The following INPP5D variants were observed in gnomAD, a reference collection of about 807,000 sequenced individuals.
INPP5D encodes phosphatidylinositol 3,4,5-trisphosphate 5-phosphatase 1.
A neutral mutation model predicts 122.9 loss-of-function variants in INPP5D; 33 were observed. That is an observed-to-expected ratio of 0.27 (90% CI 0.20 to 0.36). The LOEUF is 0.36. INPP5D is among the 10% of genes least tolerant of loss of function. The pLI is 1.00. For missense variants in INPP5D, 1,053 were observed against 1,412.7 expected (o/e 0.75, Z 4.08); for synonymous variants, 584 against 576.2 (o/e 1.01, Z -0.19).
At chr2:233,143,517 C>A (rs903221885) in intron 6 of INPP5D, among the ~76,000 whole-genome samples, 1 of 152,220 alleles carries the variant, frequency 6.6e-6, no homozygotes, top group East Asian at 1.9e-4. Context: ...TATCCCATCT[C>A]CTGACCAGCT....
At chr2:233,167,300 G>A (rs1219249486) in intron 13 of INPP5D, among the ~76,000 whole-genome samples, 2 of 151,890 alleles carry the variant, frequency 1.3e-5, no homozygotes, top group Non-Finnish European at 2.9e-5. Flanking sequence ...AAATCTGGGA[G>A]GTCAAGGCTA....
chr2:233,153,187 C>G (rs1009643746), intron 9 of INPP5D, among the ~76,000 whole-genome samples: 11 of 152,306 alleles, frequency 7.2e-5, no homozygotes, highest in Admixed American at 2.6e-4. Flanking sequence ...AACAAGATAT[C>G]ACATCCTGGG....
At chr2:233,118,056 G>A (rs1692854710) in intron 2 of INPP5D, among the ~76,000 whole-genome samples, 1 of 152,224 alleles carries the variant, frequency 6.6e-6, no homozygotes. Context: ...ACACAGCTGG[G>A]TGGATATGGA....
chr2:233,170,403 G>C lies in INPP5D; in HGVS notation c.1792-93G>C. 1 of 1,563,920 alleles carries C rather than the reference G, an allele frequency of 6.4e-7. No homozygotes were observed. The highest frequency in any genetic ancestry group is 8.7e-7 in the Non-Finnish European group (1 of 1,153,628). ...CCCTGCCACCATCACTCTGCAGCCC[G>C]GGTCATCCAGCTGCCCGCCCCCAGC... On this transcript the variant is annotated intron_variant, in intron 15 of 26. Transcript: ENST00000445964. The surrounding 1 kb of genome is among the most constrained non-coding windows in gnomAD (Gnocchi z 4.5).
chr2:233,172,480 A>AAAAC (rs1316434539), intron 17 of INPP5D, among the ~76,000 whole-genome samples: 1 of 152,218 alleles, frequency 6.6e-6, no homozygotes, highest in Non-Finnish European at 1.5e-5. Flanking sequence ...AATCAGGGAA[A>AAAAC]AAACAGTGAA....
At chr2:233,104,661 GTTGGGGGGTCCAAATTCT>G (rs1692415531) in intron 2 of INPP5D, among the ~76,000 whole-genome samples, 1 of 152,192 alleles carries the variant, frequency 6.6e-6, no homozygotes, top group African/African-American at 2.4e-5. Context: ...CTTCTATAAA[GTTGGGGGGTCCAAATTCT>G]TTCCCAGTGC....
Position 233,165,451 on chromosome 2 carries a change from AGT to A in INPP5D, c.1555+1038_1555+1039del, listed in dbSNP as rs371490245. 3.6e-3 allele frequency among the ~76,000 whole-genome samples: 528 copies of A among 148,400 alleles called. 3 individuals carry two copies. The highest frequency in any genetic ancestry group is 0.013 in the African/African-American group (499 of 39,792). ...GTGAGTGTACCACCCCGTATCTATGAGTGTGTGTGTGTCCATGCATGTGTTTG... is the reference window on the plus strand; with the variant it reads ...GTGAGTGTACCACCCCGTATCTATGAGTGTGTGTGTCCATGCATGTGTTTG... On this transcript the variant is annotated intron_variant, in intron 13 of 26. Transcript: ENST00000445964.
At position 233,195,496 on chromosome 2, in the gene INPP5D, G is replaced by A. The variant is rs1046188053; in HGVS notation, c.2693+1G>A. ...TGAAGCAGTGGGAAGTCACTAGCAG[G>A]TAAAGTGGGCGTGGGGTGGGTGTTG... On this transcript the variant is annotated splice_donor_variant, in intron 24 of 26. Coordinates refer to ENST00000445964, the MANE Select transcript of INPP5D (RefSeq NM_001017915.3). LOFTEE classifies it high-confidence loss of function. 6.8e-7 allele frequency: 1 copy of A among 1,480,856 alleles called. No individual in the cohort carries two copies. Among genetic ancestry groups the A allele is most frequent in the African/African-American group, 1.4e-5 (1 of 71,382 alleles). 91.7% of individuals were successfully genotyped at this position (1,480,856 alleles called of 1,614,324 possible).
chr2:233,188,243 C>A lies in INPP5D; in HGVS notation c.2359-1607C>A, dbSNP rs540000977. 6.6e-6 allele frequency among the ~76,000 whole-genome samples: 1 copy of A among 152,090 alleles called. No individual in the cohort carries two copies. Among genetic ancestry groups the A allele is most frequent in the Non-Finnish European group, 1.5e-5 (1 of 68,018 alleles). On this transcript the variant is annotated intron_variant, in intron 21 of 26. Coordinates refer to ENST00000445964, the MANE Select transcript of INPP5D (RefSeq NM_001017915.3). The surrounding 1 kb of genome is among the most constrained non-coding windows in gnomAD (Gnocchi z 4.7). ...TCACCGTCTCCTGCTCCCTGACCCC[C>A]GCCCCACCCCTGTTGCCTGGCGGCC...
intron 1 of INPP5D, among the ~76,000 whole-genome samples, chr2:233,064,841 G>C (rs1372655646): frequency 6.6e-6 from 1 of 152,184 alleles, no homozygotes; most frequent in Non-Finnish European, 1.5e-5. Flanking sequence ...TGGTGTGAGC[G>C]GGTGGCTAAG....
intron 5 of INPP5D, among the ~76,000 whole-genome samples, chr2:233,135,889 AAAT>A (rs1693454487): frequency 6.6e-6 from 1 of 152,222 alleles, no homozygotes; most frequent in African/African-American, 2.4e-5. Context: ...CTGAGCAGCA[AAAT>A]ATGAATATAC....
At chr2:233,198,554 G>A (rs1005426521) in intron 25 of INPP5D, among the ~76,000 whole-genome samples, 178 bp downstream of exon 25, 6 of 152,208 alleles carry the variant, frequency 3.9e-5, no homozygotes, top group African/African-American at 1.4e-4. Context: ...AGTCTTCCAT[G>A]TCCTAACCTG....
Position 233,146,225 on chromosome 2 carries a change from T to G in INPP5D, c.817T>G (p.Ser273Ala). The change falls in exon 7 of 27, where the codon TCG (serine) becomes GCG (alanine). Residue 273 changes from serine to alanine, a missense_variant. By Grantham distance (99) the Ser-to-Ala change is moderately conservative (BLOSUM62 1). This residue lies in a region of INPP5D where 196 missense variants were observed against 175.6 expected (regional missense o/e 1.12). Coordinates refer to ENST00000445964, the MANE Select transcript of INPP5D (RefSeq NM_001017915.3). ...SKLSQLTSLL[S>A]SIEDKVKALL... ...GCTCAGCCAACTGACAAGCCTGTTGTCGTCCATTGAAGACAAGGTACGTGT... is the reference window on the plus strand; with the variant it reads ...GCTCAGCCAACTGACAAGCCTGTTGGCGTCCATTGAAGACAAGGTACGTGT... 2.8e-6 allele frequency: 2 copies of G among 704,264 alleles called. No homozygotes were observed. The highest frequency in any genetic ancestry group is 5.2e-6 in the Non-Finnish European group (2 of 385,002). 43.6% of individuals were successfully genotyped at this position (704,264 alleles called of 1,614,324 possible). A position where few individuals can be genotyped will look rare whatever the true frequency, so the allele number is the denominator to read the frequency against.
At chr2:233,109,507 A>T (rs998430807) in intron 2 of INPP5D, among the ~76,000 whole-genome samples, 1 of 152,200 alleles carries the variant, frequency 6.6e-6, no homozygotes, top group Non-Finnish European at 1.5e-5. Context: ...CTTCAGAAGT[A>T]TATAGACTGG....
intron 1 of INPP5D, among the ~76,000 whole-genome samples, chr2:233,077,843 G>A (rs1691564713): frequency 7.1e-6 from 1 of 140,982 alleles, no homozygotes; most frequent in South Asian, 2.2e-4. Context: ...CTGAGTGACA[G>A]AGTGAGACTC....
chr2:233,102,608 AGAGGCC>A (rs1692344333), intron 2 of INPP5D, among the ~76,000 whole-genome samples: 2 of 151,662 alleles, frequency 1.3e-5, no homozygotes, highest in Admixed American at 1.3e-4. Flanking sequence ...CAGCACTTTG[AGAGGCC>A]GAGGCGGGCA....
intron 2 of INPP5D, among the ~76,000 whole-genome samples, chr2:233,085,504 G>A (rs543457040): frequency 2.6e-5 from 4 of 152,102 alleles, no homozygotes; most frequent in South Asian, 2.1e-4. Context: ...CTTTGAAGCC[G>A]GTGGGAATTC....
intron 25 of INPP5D, among the ~76,000 whole-genome samples, chr2:233,202,499 C>T (rs922386363): frequency 2.6e-4 from 39 of 152,352 alleles, no homozygotes; most frequent in Admixed American, 1.6e-3. Flanking sequence ...GGCTTCTCAC[C>T]GGCACCTGTG....
At chr2:233,119,068 T>A (rs1371527323) in intron 2 of INPP5D, among the ~76,000 whole-genome samples, 2 of 152,252 alleles carry the variant, frequency 1.3e-5, no homozygotes, top group East Asian at 3.8e-4. Flanking sequence ...TGGAGTCACA[T>A]AAGTCTATAA....
Sources: gnomAD v4.1 joint callset for allele counts (sites outside exome capture counted in the v4.1 genomes callset) on GRCh38, gnomAD v4.1.1 for gene constraint, gnomAD v4.1.1 regional missense constraint, Gnocchi (gnomAD v3.1) non-coding constraint, MANE v1.5 for transcripts, NCBI Gene and HGNC (gene_info 2026-07-23, HGNC 2026-07-21) for gene names.